RNF121: variants seen among roughly 807,000 people sequenced by gnomAD.
RNF121 encodes E3 ubiquitin ligase RNF121.
In RNF121, 21 loss-of-function variants were observed where a neutral mutation model predicts 46.5. That is an observed-to-expected ratio of 0.45 (90% CI 0.32 to 0.65). The LOEUF is 0.65. Ranked by LOEUF, RNF121 falls within the 30% of genes least tolerant of loss-of-function variation. The pLI is 0.04. For synonymous variants in RNF121, 139 were observed against 144.7 expected, an observed-to-expected ratio of 0.96 and a Z score of 0.28; for missense variants, 346 against 416.0, an observed-to-expected ratio of 0.83 and a Z score of 1.46.
intron 4 of RNF121, 95 bp from the exon 5 acceptor site, chr11:71,986,909 T>C: frequency 6.6e-6 from 5 of 757,286 alleles, no homozygotes; most frequent in Non-Finnish European, 1.2e-5. Flanking sequence ...GACCCTGGTG[T>C]CCCCATTGAT....
intron 3 of RNF121, among the ~76,000 whole-genome samples, chr11:71,967,372 C>T (rs182964142): frequency 2.2e-4 from 19 of 84,874 alleles, no homozygotes; most frequent in African/African-American, 6.2e-4. Context: ...TTTTTTGAGA[C>T]GGAGTCTCAC....
Position 71,953,497 on chromosome 11 carries a change from A to G in RNF121, c.64-3730A>G, listed in dbSNP as rs142682576. Among the ~76,000 whole-genome samples, 5 of 152,330 alleles carry G rather than the reference A, an allele frequency of 3.3e-5. No individual in the cohort carries two copies. In the East Asian group the frequency reaches 7.7e-4, roughly 24 times the overall value. The stretch of plus-strand genomic sequence containing the variant: ...CAGTGCTTCTCAAACTTTAATGTAC[A>G]TATGAATTATTTCAGTATCTTATTA... On this transcript the variant is annotated intron_variant, in intron 1 of 8. Transcript: ENST00000361756.
chr11:71,960,661 T>A (rs1954108324), intron 2 of RNF121, 89 bp from the exon 3 acceptor site: 2 of 1,474,916 alleles, frequency 1.4e-6, no homozygotes, highest in East Asian at 4.6e-5. Flanking sequence ...TGTTCTGAGC[T>A]ATGTACTGGT....
intron 1 of RNF121, among the ~76,000 whole-genome samples, chr11:71,929,535 A>G: frequency 6.6e-6 from 1 of 152,106 alleles, no homozygotes. Flanking sequence ...GGGGTTGGGG[A>G]CACAGACCGG....
chr11:71,960,771 T>C lies in RNF121; in HGVS notation c.123T>C (p.His41=). The part of the protein sequence containing the change: ...EQWRVEHARM[H]AKHRGHEAMH... ...TCAGGGTCGAGCACGCACGCATGCA[T>C]GCCAAGCACCGTGGCCATGAAGCTA... Residue 41 remains histidine (H), a synonymous_variant, in exon 3 of 9, where the codon CAT becomes CAC. Transcript: ENST00000361756. The C allele has an allele frequency of 6.2e-7, 1 of 1,614,070 alleles. No homozygotes were observed. Among genetic ancestry groups the C allele is most frequent in the South Asian group, 1.1e-5 (1 of 91,080 alleles).
intron 1 of RNF121, among the ~76,000 whole-genome samples, chr11:71,934,682 T>C (rs999385681): frequency 2.0e-5 from 3 of 152,028 alleles, no homozygotes; most frequent in Non-Finnish European, 4.4e-5. Flanking sequence ...TACCTCTGGA[T>C]TTTTTTTAGG....
chr11:71,953,982 C>T (rs918133897), intron 1 of RNF121, among the ~76,000 whole-genome samples: 6 of 152,208 alleles, frequency 3.9e-5, no homozygotes, highest in African/African-American at 1.2e-4. Flanking sequence ...CTGGGCATGA[C>T]TGGGGGCCTT....
intron 3 of RNF121, among the ~76,000 whole-genome samples, chr11:71,965,170 G>A (rs1296604023): frequency 3.9e-5 from 6 of 151,912 alleles, no homozygotes; most frequent in African/African-American, 1.2e-4. Context: ...TAGGTTCTGC[G>A]GCATTTTTCA....
chr11:71,946,132 GA>G (rs1408570281), intron 1 of RNF121, among the ~76,000 whole-genome samples: 1 of 151,298 alleles, frequency 6.6e-6, no homozygotes, highest in Non-Finnish European at 1.5e-5. Context: ...GAAAAGAAAA[GA>G]AAAGAAAAAT....
chr11:71,957,371 C>T (rs1954011994), intron 2 of RNF121, 107 bp downstream of exon 2: 1 of 792,122 alleles, frequency 1.3e-6, no homozygotes, highest in Non-Finnish European at 2.3e-6. Flanking sequence ...GAGGCAGTGG[C>T]TCATGACCGG....
chr11:71,984,793 G>A (rs1954740242), intron 4 of RNF121, among the ~76,000 whole-genome samples: 3 of 130,264 alleles, frequency 2.3e-5, no homozygotes, highest in Admixed American at 8.6e-5. Flanking sequence ...TAGAGACAGG[G>A]TTTCACCATG....
chr11:71,995,335 G>A (rs1954952979), intron 7 of RNF121, 115 bp from the exon 8 acceptor site: 3 of 789,608 alleles, frequency 3.8e-6, no homozygotes, highest in African/African-American at 3.4e-5. Context: ...ACAGGGACTT[G>A]CCCAACATTA....
intron 4 of RNF121, among the ~76,000 whole-genome samples, chr11:71,984,050 C>T (rs1320550822): frequency 6.6e-6 from 1 of 152,158 alleles, no homozygotes; most frequent in East Asian, 1.9e-4. Flanking sequence ...GATTGGGACC[C>T]CTAGCCCTGC....
chr11:71,978,214 T>G (rs1006830082), intron 3 of RNF121: 1 of 451,720 alleles, frequency 2.2e-6, no homozygotes, highest in African/African-American at 2.0e-5. Context: ...AGTAGAAATT[T>G]TAAACCAAAT....
chr11:71,961,006 T>C lies in RNF121; in HGVS notation c.243+115T>C, dbSNP rs879027816. 44 of 1,166,040 alleles carry C rather than the reference T, an allele frequency of 3.8e-5. 1 individual carries two copies. In the South Asian group the frequency reaches 6.2e-4, roughly 16 times the overall value. The allele number at this position is 1,166,040 out of a possible 1,614,324, so 72.2% of individuals were successfully genotyped here. A position where few individuals can be genotyped will look rare whatever the true frequency, so the allele number is the denominator to read the frequency against. On this transcript the variant is annotated intron_variant, in intron 3 of 8. Coordinates refer to ENST00000361756, the MANE Select transcript of RNF121 (RefSeq NM_018320.5). Reference sequence around the variant, plus strand: ...TGGAGGTGGAGAAAGACAATAACAATGAACTTTATGTATGAATGATGAATA... The same window carrying C: ...TGGAGGTGGAGAAAGACAATAACAACGAACTTTATGTATGAATGATGAATA...
intron 1 of RNF121, among the ~76,000 whole-genome samples, chr11:71,937,946 A>G (rs959493490): frequency 7.9e-5 from 12 of 152,234 alleles, no homozygotes; most frequent in Admixed American, 5.2e-4. Flanking sequence ...AAATAAACTC[A>G]TAAGTTCCCT....
chr11:71,934,465 A>T (rs1333903662), intron 1 of RNF121, among the ~76,000 whole-genome samples: 2 of 152,204 alleles, frequency 1.3e-5, no homozygotes, highest in Non-Finnish European at 2.9e-5. Flanking sequence ...CAGACTGTGG[A>T]AGTTCCCATC....
intron 1 of RNF121, among the ~76,000 whole-genome samples, chr11:71,940,350 A>T (rs1291142254): frequency 6.6e-6 from 1 of 152,222 alleles, no homozygotes; most frequent in Admixed American, 6.5e-5. Context: ...GTAGAAAAAA[A>T]CAAAGTACTG....
At chr11:71,940,580 T>C (rs1267954170) in intron 1 of RNF121, among the ~76,000 whole-genome samples, 1 of 152,240 alleles carries the variant, frequency 6.6e-6, no homozygotes, top group Non-Finnish European at 1.5e-5. Flanking sequence ...AGGTTGACTT[T>C]TGAATGCCAG....
Sources: allele counts gnomAD v4.1 joint callset (sites outside exome capture counted in the v4.1 genomes callset), GRCh38; gene constraint gnomAD v4.1.1; transcripts MANE v1.5; gene names NCBI Gene and HGNC (gene_info 2026-07-23, HGNC 2026-07-21).